The following PGBD2 variants were observed in gnomAD, a reference collection of about 807,000 sequenced individuals.
PGBD2 encodes the protein piggyBac transposable element-derived protein 2.
Under a neutral mutation model 8.1 loss-of-function variants are expected in PGBD2, and 6 were observed. The ratio of observed to expected loss-of-function variants is 0.74; its 90% CI spans 0.40 to 1.46. PGBD2 has a LOEUF of 1.46. PGBD2 is among the 40% of genes most tolerant of loss of function. The pLI is 0.02. For missense variants in PGBD2, 802 were observed against 739.0 expected (o/e 1.09, Z -0.99); for synonymous variants, 318 against 272.2 (o/e 1.17, Z -1.66).
At chr1:248,924,574 ATACTC>A (rs1662347864), downstream of PGBD2, among the ~76,000 whole-genome samples, 1 of 152,222 alleles carries the variant, frequency 6.6e-6, no homozygotes, top group African/African-American at 2.4e-5. Context: ...TTTTGTCAGA[ATACTC>A]TATTTTGGTT....
the PGBD2 span, among the ~76,000 whole-genome samples, chr1:248,883,584 CTTTTTTTTTTTT>C: frequency 3.4e-5 from 3 of 89,164 alleles, no homozygotes; most frequent in Non-Finnish European, 4.2e-5. Context: ...TTTTTTTTTT[CTTTTTTTTTTTT>C]TTTTTTTTTG....
downstream of PGBD2, chr1:248,919,628 A>T (rs1662242853): frequency 6.0e-6 from 1 of 166,766 alleles, no homozygotes; most frequent in African/African-American, 2.4e-5. Flanking sequence ...CCTGAATCAT[A>T]TGGTAGCTCT....
chr1:248,913,002 A>G (rs1211476177), intron 1 of PGBD2, among the ~76,000 whole-genome samples: 1 of 151,882 alleles, frequency 6.6e-6, no homozygotes, highest in African/African-American at 2.4e-5. Flanking sequence ...GGGTTTCTCC[A>G]TGTTGGTCAG....
upstream of PGBD2, among the ~76,000 whole-genome samples, chr1:248,901,767 G>T (rs1029634792): frequency 6.6e-6 from 1 of 152,110 alleles, no homozygotes; most frequent in Non-Finnish European, 1.5e-5. Flanking sequence ...AAAAGCTTCT[G>T]CACAGCAAAA....
the PGBD2 span, among the ~76,000 whole-genome samples, chr1:248,880,222 G>T: frequency 7.0e-6 from 1 of 143,002 alleles, no homozygotes; most frequent in African/African-American, 3.1e-5. Context: ...CCTCAAAGCT[G>T]TTGTCTCCAC....
chr1:248,892,619 A>G, the PGBD2 span, among the ~76,000 whole-genome samples: 1 of 152,208 alleles, frequency 6.6e-6, no homozygotes, highest in Admixed American at 6.5e-5. Flanking sequence ...CTCCTTTGGC[A>G]TAATATATTT....
the PGBD2 span, among the ~76,000 whole-genome samples, chr1:248,875,617 A>T: frequency 6.6e-6 from 1 of 152,184 alleles, no homozygotes; most frequent in Non-Finnish European, 1.5e-5. Context: ...TCTTCTTAAC[A>T]TTTTGTAATA....
chr1:248,921,075 T>A (rs1353683621), downstream of PGBD2, among the ~76,000 whole-genome samples: 1 of 152,194 alleles, frequency 6.6e-6, no homozygotes, highest in Non-Finnish European at 1.5e-5. Flanking sequence ...AAAAATTGTC[T>A]CCCGTTCTGT....
At chr1:248,887,848 C>T in the PGBD2 span, among the ~76,000 whole-genome samples, 2 of 152,060 alleles carry the variant, frequency 1.3e-5, no homozygotes, top group African/African-American at 4.8e-5. Context: ...TTCTGTTGAT[C>T]CCATCACCCA....
At chr1:248,921,751 T>C (rs139837716), downstream of PGBD2, among the ~76,000 whole-genome samples, 1,951 of 152,344 alleles carry the variant, frequency 0.013, 44 homozygotes, top group African/African-American at 0.045. Flanking sequence ...ACGATATTGA[T>C]TCTTCCTATC....
chr1:248,924,943 CTA>C (rs752324243), downstream of PGBD2, among the ~76,000 whole-genome samples: 2 of 151,674 alleles, frequency 1.3e-5, no homozygotes, highest in African/African-American at 2.4e-5. Flanking sequence ...GCAAATGTGA[CTA>C]TAAAAAAAGT....
At chr1:248,906,088 G>T (rs1435801503), upstream of PGBD2, 3 of 152,046 alleles carry the variant, frequency 2.0e-5, no homozygotes, top group South Asian at 4.2e-4. Context: ...GGGTTATTTC[G>T]GCCGTTCTGG....
At chr1:248,878,179 T>C in the PGBD2 span, among the ~76,000 whole-genome samples, 1 of 115,586 alleles carries the variant, frequency 8.7e-6, no homozygotes, top group African/African-American at 4.1e-5. Flanking sequence ...TTGTTTTCCA[T>C]ATCTTTTTTT....
At chr1:248,883,849 G>A in the PGBD2 span, among the ~76,000 whole-genome samples, 9 of 151,674 alleles carry the variant, frequency 5.9e-5, no homozygotes, top group Non-Finnish European at 1.3e-4. Flanking sequence ...CGCCCGCCTC[G>A]GCCTCCCAAA....
chr1:248,906,035 G>T (rs908933978), upstream of PGBD2, among the ~76,000 whole-genome samples: 1 of 152,174 alleles, frequency 6.6e-6, no homozygotes, highest in Non-Finnish European at 1.5e-5. Context: ...GACAGGGGTG[G>T]GAGGGTAAGG....
At chr1:248,879,823 G>C in the PGBD2 span, among the ~76,000 whole-genome samples, 1 of 152,066 alleles carries the variant, frequency 6.6e-6, no homozygotes, top group Non-Finnish European at 1.5e-5. Flanking sequence ...AAATTATTTT[G>C]TTTCCATTTG....
chr1:248,905,314 G>T (rs181902584), upstream of PGBD2, among the ~76,000 whole-genome samples: 1 of 152,238 alleles, frequency 6.6e-6, no homozygotes, highest in African/African-American at 2.4e-5. Context: ...ATGTTAACAC[G>T]GTTTGGTCCC....
chr1:248,895,220 C>A, the PGBD2 span, among the ~76,000 whole-genome samples: 1 of 152,150 alleles, frequency 6.6e-6, no homozygotes, highest in East Asian at 1.9e-4. Context: ...GAGAAAGAAG[C>A]CAGAGGAGTG....
the PGBD2 span, among the ~76,000 whole-genome samples, chr1:248,876,009 T>C: frequency 6.6e-6 from 1 of 151,996 alleles, no homozygotes; most frequent in Admixed American, 6.6e-5. Context: ...CTTTTTTTTT[T>C]TTTTTCCTTT....
Sources: gnomAD v4.1 joint callset for allele counts (sites outside exome capture counted in the v4.1 genomes callset) on GRCh38, gnomAD v4.1.1 for gene constraint, MANE v1.5 for transcripts, NCBI Gene and HGNC (gene_info 2026-07-23, HGNC 2026-07-21) for gene names.